MAGI2: variants seen among roughly 807,000 people sequenced by gnomAD.
MAGI2 encodes membrane associated guanylate kinase, WW and PDZ domain containing 2.
MAGI2 carries 35 observed loss-of-function variants against 133.3 expected under a neutral mutation model. That is an observed-to-expected ratio of 0.26 (90% CI 0.20 to 0.35). The LOEUF (loss-of-function observed/expected upper bound fraction) is 0.35. MAGI2 is among the 10% of genes least tolerant of loss of function. The probability of loss-of-function intolerance (pLI) is 1.00; values close to 1 mark genes in which losing one functional copy is unlikely to be tolerated. For missense variants in MAGI2, 1,636 were observed against 1,863.4 expected (o/e 0.88, Z 2.25); for synonymous variants, 729 against 710.6 (o/e 1.03, Z -0.41).
intron 1 of MAGI2, among the ~76,000 whole-genome samples, chr7:79,378,924 G>GTATATATATATATATATA (rs745327540): frequency 4.1e-5 from 2 of 48,250 alleles, no homozygotes; most frequent in African/African-American, 1.1e-4. Context: ...ATATGTGTGT[G>GTATATATATATATATATA]TGTATATATA....
At chr7:79,038,482 T>C (rs1189631217) in intron 1 of MAGI2, among the ~76,000 whole-genome samples, 6 of 152,166 alleles carry the variant, frequency 3.9e-5, no homozygotes, top group African/African-American at 1.4e-4. Context: ...ATCTTTCTGT[T>C]ATGAGCCAGT....
chr7:78,185,345 C>A (rs1055920201), intron 13 of MAGI2, among the ~76,000 whole-genome samples: 2 of 152,178 alleles, frequency 1.3e-5, no homozygotes, highest in African/African-American at 4.8e-5. Context: ...CGGACCTAGT[C>A]AGTCTGATGG....
intron 1 of MAGI2, among the ~76,000 whole-genome samples, chr7:79,130,555 T>C (rs903111456): frequency 6.6e-5 from 10 of 152,190 alleles, no homozygotes; most frequent in Non-Finnish European, 2.9e-5. Flanking sequence ...ATCCTGATAA[T>C]TTGCCAACAT....
At chr7:79,038,812 T>C (rs1456133697) in intron 1 of MAGI2, among the ~76,000 whole-genome samples, 1 of 152,184 alleles carries the variant, frequency 6.6e-6, no homozygotes, top group Non-Finnish European at 1.5e-5. Context: ...TAAATTCTAT[T>C]CATGTTGCTG....
chr7:79,383,632 A>C (rs2129144605), intron 1 of MAGI2, among the ~76,000 whole-genome samples: 1 of 151,692 alleles, frequency 6.6e-6, no homozygotes, highest in East Asian at 1.9e-4. Flanking sequence ...TTAATATTAG[A>C]ATCATATTTA....
intron 2 of MAGI2, among the ~76,000 whole-genome samples, chr7:78,905,682 G>A (rs1797946756): frequency 6.6e-6 from 1 of 152,126 alleles, no homozygotes; most frequent in South Asian, 2.1e-4. Context: ...TGGTCTTCTG[G>A]TTGTAACAAG....
At position 78,890,004 on chromosome 7, in the gene MAGI2, T is replaced by C. The variant is rs540682962; in HGVS notation, c.418+117086A>G. Among the ~76,000 whole-genome samples the C allele has an allele frequency of 4.6e-5, 7 of 152,216 alleles. No individual in the cohort carries two copies. In the East Asian group the frequency reaches 9.7e-4, roughly 21 times the overall value. On this transcript the variant is annotated intron_variant, in intron 2 of 21. Transcript: ENST00000354212. ...GACCCATCTCACGTGCAGAGACACA[T>C]ATAGGCTCAAAATAAAGGGATGGAG...
intron 2 of MAGI2, among the ~76,000 whole-genome samples, chr7:78,728,910 A>C (rs73152421): frequency 0.043 from 6,560 of 151,432 alleles, 220 homozygotes; most frequent in Non-Finnish European, 0.066. Context: ...GATTCATCTT[A>C]CTCTTCCTTT....
At chr7:78,185,822 G>T (rs970982057) in intron 12 of MAGI2, 152 bp from the exon 13 acceptor site, 6 of 504,434 alleles carry the variant, frequency 1.2e-5, no homozygotes, top group Non-Finnish European at 2.1e-5. Context: ...CCAAGTTAGT[G>T]GACAAATTTA....
At chr7:79,322,686 T>A (rs141609265) in intron 1 of MAGI2, among the ~76,000 whole-genome samples, 4,396 of 151,282 alleles carry the variant, frequency 0.029, 223 homozygotes, top group African/African-American at 0.1. Flanking sequence ...CTCAGCAGAC[T>A]GAGGCATGAG....
intron 9 of MAGI2, among the ~76,000 whole-genome samples, chr7:78,265,627 T>G (rs373181799): frequency 6.6e-6 from 1 of 152,192 alleles, no homozygotes; most frequent in African/African-American, 2.4e-5. Flanking sequence ...TACTCTTCTG[T>G]GGGTTATGGA....
intron 1 of MAGI2, chr7:79,353,300 AC>A: frequency 2.7e-6 from 1 of 366,404 alleles, no homozygotes. Flanking sequence ...CACCCTGAAC[AC>A]ATTCACGATG....
intron 1 of MAGI2, among the ~76,000 whole-genome samples, chr7:79,424,341 T>C (rs1349345738): frequency 1.3e-5 from 2 of 152,058 alleles, no homozygotes; most frequent in Non-Finnish European, 2.9e-5. Context: ...ATCTTATTCA[T>C]ATGTAAAATC....
intron 10 of MAGI2, among the ~76,000 whole-genome samples, chr7:78,222,720 T>G (rs1428784931): frequency 1.3e-5 from 2 of 152,182 alleles, no homozygotes; most frequent in Non-Finnish European, 2.9e-5. Context: ...GAGTCCAAGC[T>G]TTGCCATCTG....
intron 1 of MAGI2, among the ~76,000 whole-genome samples, chr7:79,054,634 A>G (rs182702741): frequency 1.6e-3 from 246 of 152,298 alleles, no homozygotes; most frequent in Non-Finnish European, 2.8e-3. Context: ...GGGCCATTTC[A>G]ATAGTTTCCT....
chr7:79,278,246 C>T (rs1459545736), intron 1 of MAGI2, among the ~76,000 whole-genome samples: 2 of 152,276 alleles, frequency 1.3e-5, no homozygotes, highest in East Asian at 1.9e-4. Context: ...GGGCCTGCTC[C>T]TCCTTCACCT....
At chr7:78,681,449 C>T (rs890729570) in intron 2 of MAGI2, among the ~76,000 whole-genome samples, 1 of 152,102 alleles carries the variant, frequency 6.6e-6, no homozygotes, top group Non-Finnish European at 1.5e-5. Flanking sequence ...TATTACACAA[C>T]CATATTTAGA....
Position 78,183,549 on chromosome 7 carries a change from C to T in MAGI2, c.2311+2080G>A, listed in dbSNP as rs116470144. Among the ~76,000 whole-genome samples, 789 of 152,134 alleles carry T rather than the reference C, an allele frequency of 5.2e-3. 11 individuals are homozygous for T. Among genetic ancestry groups the T allele is most frequent in the African/African-American group, 0.018 (758 of 41,506 alleles). On this transcript the variant is annotated intron_variant, in intron 13 of 21. Coordinates refer to ENST00000354212, the MANE Select transcript of MAGI2 (RefSeq NM_012301.4). ...AAAGTGCTGGGATTGCAGGCATGCA[C>T]CACCGCAATCGGCCATTTTTGTATT... is the stretch of plus-strand genomic sequence containing the variant.
chr7:79,144,537 C>G (rs529378668), intron 1 of MAGI2, among the ~76,000 whole-genome samples: 13 of 152,110 alleles, frequency 8.5e-5, no homozygotes, highest in Admixed American at 2.6e-4. Flanking sequence ...TCTGTAAAGT[C>G]GGCAGAATTG....
Sources: gnomAD v4.1 joint callset for allele counts (sites outside exome capture counted in the v4.1 genomes callset) on GRCh38, gnomAD v4.1.1 for gene constraint, MANE v1.5 for transcripts, NCBI Gene and HGNC (gene_info 2026-07-23, HGNC 2026-07-21) for gene names.